The following BEND5 variants were observed in gnomAD, a reference collection of about 807,000 sequenced individuals.
BEND5 encodes BEN domain-containing protein 5.
In BEND5, 22 loss-of-function variants were observed where a neutral mutation model predicts 43.9. The ratio of observed to expected loss-of-function variants is 0.50; its 90% confidence interval spans 0.36 to 0.72. The LOEUF is 0.72. BEND5 is among the 30% of genes least tolerant of loss of function. The pLI is 0.00. For synonymous variants in BEND5, 228 were observed against 225.9 expected (o/e 1.01, Z -0.08); for missense variants, 428 against 550.6 (o/e 0.78, Z 2.23).
rs1197629475 is a variant in BEND5 at position 48,758,934 on chromosome 1, C to T, written c.711G>A (p.Arg237=). ...EMKELRDLNR[R]LQDVLLLRLG... Reference sequence around the variant, plus strand: ...GCCGCAGGAGCAGCACGTCCTGGAGCCTCCGGTTAAGGTCACGGAGCTCCT... The same window carrying T: ...GCCGCAGGAGCAGCACGTCCTGGAGTCTCCGGTTAAGGTCACGGAGCTCCT... Residue 237 remains arginine, a synonymous_variant, in exon 3 of 6, where the codon AGG becomes AGA. Transcript: ENST00000371833. 3 of 1,570,806 alleles carry T rather than the reference C, an allele frequency of 1.9e-6. No individual in the cohort carries two copies. The highest frequency in any genetic ancestry group is 2.4e-5 in the South Asian group (2 of 83,984).
chr1:48,729,665 G>A (rs1647783890), intron 5 of BEND5, among the ~76,000 whole-genome samples: 1 of 151,984 alleles, frequency 6.6e-6, no homozygotes, highest in East Asian at 1.9e-4. Flanking sequence ...CCCATATGCT[G>A]AGCCCTTCCC....
chr1:48,759,582 A>G (rs1644144744), intron 2 of BEND5, among the ~76,000 whole-genome samples: 1 of 152,202 alleles, frequency 6.6e-6, no homozygotes, highest in Non-Finnish European at 1.5e-5. Flanking sequence ...TGCATATACC[A>G]TGACCACCCT....
At chr1:48,757,633 C>T (rs1644010258) in intron 3 of BEND5, among the ~76,000 whole-genome samples, 1 of 152,144 alleles carries the variant, frequency 6.6e-6, no homozygotes, top group African/African-American at 2.4e-5. Flanking sequence ...CTTCTTGGAC[C>T]ACCCAAAGAT....
intron 5 of BEND5, among the ~76,000 whole-genome samples, chr1:48,728,589 T>C (rs1478180686): frequency 6.6e-6 from 1 of 152,074 alleles, no homozygotes; most frequent in African/African-American, 2.4e-5. Flanking sequence ...ATTGTATGGC[T>C]CTATCACAAT....
At chr1:48,748,154 A>G (rs932715926) in intron 3 of BEND5, among the ~76,000 whole-genome samples, 15 of 152,202 alleles carry the variant, frequency 9.9e-5, no homozygotes, top group Non-Finnish European at 1.5e-4. Flanking sequence ...CAGCTTCATA[A>G]CAATGAAGGA....
chr1:48,742,110 A>C (rs191888657), intron 4 of BEND5, among the ~76,000 whole-genome samples: 3 of 152,336 alleles, frequency 2.0e-5, no homozygotes, highest in Non-Finnish European at 1.5e-5. Flanking sequence ...CACAGCTTGA[A>C]GGAGGCTTGG....
At chr1:48,746,033 C>T (rs1242156604) in intron 3 of BEND5, among the ~76,000 whole-genome samples, 2 of 152,186 alleles carry the variant, frequency 1.3e-5, no homozygotes, top group African/African-American at 4.8e-5. Context: ...TCACCTGGCA[C>T]AGTGCTTGAT....
chr1:48,765,411 G>C lies in BEND5; in HGVS notation c.227-3941C>G, dbSNP rs140468013. On this transcript the variant is annotated intron_variant, in intron 1 of 5. Transcript: ENST00000371833. Reference sequence around the variant, plus strand: ...GGATGGCTCAAATCAAAAATAAAAGGAAAATAACAAGAGTAAAGAATGTAA... The same window carrying C: ...GGATGGCTCAAATCAAAAATAAAAGCAAAATAACAAGAGTAAAGAATGTAA... 2.2e-4 allele frequency among the ~76,000 whole-genome samples: 33 copies of C among 152,192 alleles called. 1 individual carries two copies. In the East Asian group the frequency reaches 6.2e-3, roughly 29 times the overall value.
At chr1:48,768,645 A>G (rs1644651243) in intron 1 of BEND5, among the ~76,000 whole-genome samples, 2 of 152,208 alleles carry the variant, frequency 1.3e-5, no homozygotes. Context: ...CTTAACTTCC[A>G]TTTGACATAT....
rs138118929 is a variant in BEND5 at position 48,740,390 on chromosome 1, T to A, written c.894+2233A>T. Among the ~76,000 whole-genome samples, 73 of 152,360 alleles carry A rather than the reference T, an allele frequency of 4.8e-4. 1 individual carries two copies. The South Asian group carries it at 0.012, about 26-fold the overall frequency. The stretch of plus-strand genomic sequence containing the variant: ...TATAGAGGAGTCCCTTCTCTGGATA[T>A]GTTTCCCTACCCATACTATGTATAA... On this transcript the variant is annotated intron_variant, in intron 4 of 5. Coordinates refer to ENST00000371833, the MANE Select transcript of BEND5 (RefSeq NM_024603.4).
intron 5 of BEND5, among the ~76,000 whole-genome samples, chr1:48,731,310 G>T (rs1444472020): frequency 6.6e-6 from 1 of 152,024 alleles, no homozygotes; most frequent in African/African-American, 2.4e-5. Flanking sequence ...AGTAATACAA[G>T]AAACCTCTGG....
intron 3 of BEND5, among the ~76,000 whole-genome samples, chr1:48,755,664 G>C (rs2148646367): frequency 6.6e-6 from 1 of 152,250 alleles, no homozygotes; most frequent in Middle Eastern, 3.4e-3. Context: ...TTATAGATCA[G>C]GATCTGTTAC....
intron 3 of BEND5, among the ~76,000 whole-genome samples, chr1:48,748,321 C>T (rs1651090766): frequency 6.6e-6 from 1 of 152,188 alleles, no homozygotes; most frequent in South Asian, 2.1e-4. Context: ...ATTAGTCTTC[C>T]AGTGAAAGCA....
At chr1:48,759,436 A>G (rs2148657712) in intron 2 of BEND5, 152 bp from the exon 3 acceptor site, 72 of 1,302,570 alleles carry the variant, frequency 5.5e-5, no homozygotes, top group Non-Finnish European at 7.3e-5. Flanking sequence ...AAAGCCCTTC[A>G]TTTTATAAAT....
At chr1:48,739,671 C>A (rs1159465268) in intron 4 of BEND5, among the ~76,000 whole-genome samples, 1 of 152,202 alleles carries the variant, frequency 6.6e-6, no homozygotes, top group Non-Finnish European at 1.5e-5. Flanking sequence ...ATCAGTGCTA[C>A]CTCAGAGTTG....
chr1:48,734,816 G>A (rs535546366), intron 5 of BEND5, among the ~76,000 whole-genome samples: 1 of 152,284 alleles, frequency 6.6e-6, no homozygotes, highest in Admixed American at 6.5e-5. Context: ...TGAAGTTATC[G>A]AGCTTGTTCC....
At chr1:48,745,233 T>A (rs1218701166) in intron 3 of BEND5, among the ~76,000 whole-genome samples, 1 of 152,150 alleles carries the variant, frequency 6.6e-6, no homozygotes, top group Non-Finnish European at 1.5e-5. Flanking sequence ...AGTAAAGTCC[T>A]GCTGCTGAGT....
At chr1:48,767,785 A>G (rs534418566) in intron 1 of BEND5, among the ~76,000 whole-genome samples, 1 of 152,310 alleles carries the variant, frequency 6.6e-6, no homozygotes, top group African/African-American at 2.4e-5. Context: ...AAAATCACCA[A>G]TCTTCACTTC....
intron 1 of BEND5, among the ~76,000 whole-genome samples, chr1:48,766,288 G>A (rs1370953225): frequency 1.3e-5 from 2 of 152,148 alleles, no homozygotes; most frequent in African/African-American, 2.4e-5. Context: ...AGCTGGGAAG[G>A]TGCAGAGCCA....
Sources: allele counts gnomAD v4.1 joint callset (sites outside exome capture counted in the v4.1 genomes callset), GRCh38; gene constraint gnomAD v4.1.1; transcripts MANE v1.5; gene names NCBI Gene and HGNC (gene_info 2026-07-23, HGNC 2026-07-21).